The following HNRNPU variants were observed in gnomAD, a reference collection of about 807,000 sequenced individuals.
HNRNPU encodes heterogeneous nuclear ribonucleoprotein U.
HNRNPU carries 5 observed loss-of-function variants against 94.7 expected under a neutral mutation model. The ratio of observed to expected loss-of-function variants is 0.05; its 90% CI spans 0.03 to 0.11. The LOEUF is 0.11. Ranked by LOEUF, HNRNPU falls within the 10% of genes least tolerant of loss-of-function variation. The pLI is 1.00. For missense variants in HNRNPU, 710 were observed against 1,049.2 expected (o/e 0.68, Z 4.47); for synonymous variants, 434 against 381.6 (o/e 1.14, Z -1.60).
intron 11 of HNRNPU, 116 bp from the exon 12 acceptor site, chr1:244,855,724 GAA>G: frequency 1.5e-6 from 2 of 1,327,072 alleles, no homozygotes; most frequent in Non-Finnish European, 2.1e-6. Context: ...AAAGACAAAA[GAA>G]ATGTTTAATT....
chr1:244,862,948 T>G (rs1460089983), intron 1 of HNRNPU: 1 of 582,030 alleles, frequency 1.7e-6, no homozygotes, highest in Non-Finnish European at 3.1e-6. Context: ...TCCTCGATGA[T>G]TCGAGAAAGC....
At chr1:244,854,582 T>A in intron 13 of HNRNPU, 79 bp from the exon 14 acceptor site, 1 of 912,278 alleles carries the variant, frequency 1.1e-6, no homozygotes, top group Non-Finnish European at 1.8e-6. Context: ...ACAATGAATC[T>A]AATTCAGAGT....
intron 11 of HNRNPU, 64 bp downstream of exon 11, chr1:244,855,840 A>G: frequency 1.3e-6 from 2 of 1,570,026 alleles, no homozygotes; most frequent in Non-Finnish European, 1.7e-6. Context: ...AGCTACATCC[A>G]AACTATAAAA....
At chr1:244,856,188 T>C (rs1680677642) in intron 10 of HNRNPU, 30 bp from the exon 11 acceptor site, 9 of 1,578,096 alleles carry the variant, frequency 5.7e-6, no homozygotes, top group Non-Finnish European at 6.9e-6. Flanking sequence ...ATTATTAATT[T>C]AGAAACCCAC....
At position 244,852,618 on chromosome 1, in the gene HNRNPU, C is replaced by T. The variant is rs1680577799; in HGVS notation, c.*1832G>A. The stretch of plus-strand genomic sequence containing the variant: ...TAAAAATCCATGACACTATCTTCAA[C>T]TGTTAAATATCTTATGTTAACTAAG... On this transcript the variant is annotated 3_prime_UTR_variant, in exon 14 of 14. Transcript: ENST00000640218. 6.6e-6 allele frequency: 1 copy of T among 152,178 alleles called. No individual in the cohort carries two copies. The highest frequency in any genetic ancestry group is 2.4e-5 in the African/African-American group (1 of 41,444). The allele number at this position is 152,178 out of a possible 1,614,324, so 9.4% of individuals were successfully genotyped here. A position where few individuals can be genotyped will look rare whatever the true frequency, so the allele number is the denominator to read the frequency against.
chr1:244,854,218 C>A lies in HNRNPU; in HGVS notation c.*232G>T. The A allele has an allele frequency of 4.7e-6, 2 of 422,646 alleles. No individual in the cohort carries two copies. Among genetic ancestry groups the A allele is most frequent in the South Asian group, 7.1e-5 (2 of 28,336 alleles). 26.2% of individuals were successfully genotyped at this position (422,646 alleles called of 1,614,324 possible). The stretch of plus-strand genomic sequence containing the variant: ...AAAATGTAGAACCCTGAAATACTGA[C>A]ACATTCTCTTATCGTGCACAATGCT... On this transcript the variant is annotated 3_prime_UTR_variant, in exon 14 of 14. Transcript: ENST00000640218.
chr1:244,857,865 A>G, intron 7 of HNRNPU, 146 bp downstream of exon 7: 1 of 1,304,996 alleles, frequency 7.7e-7, no homozygotes, highest in East Asian at 2.3e-5. Context: ...ATTAACAGTC[A>G]ACATAAGGGG....
chr1:244,858,559 A>T, intron 6 of HNRNPU, 170 bp downstream of exon 6: 1 of 614,890 alleles, frequency 1.6e-6, no homozygotes, highest in Non-Finnish European at 2.9e-6. Context: ...TTCCTCAAAA[A>T]TGTCCTGTGT....
rs754762841 is a variant in HNRNPU, at chr1:244,858,324, T to C, written c.1231-50A>G. The C allele has an allele frequency of 3.3e-6, 5 of 1,522,270 alleles. No individual in the cohort carries two copies. The African/African-American group carries it at 5.6e-5, about 17-fold the overall frequency. 94.3% of individuals were successfully genotyped at this position (1,522,270 alleles called of 1,614,324 possible). On this transcript the variant is annotated intron_variant, in intron 6 of 13. Coordinates refer to ENST00000640218, the MANE Select transcript of HNRNPU (RefSeq NM_031844.3). ...AGTTAAAATCTGCTTCCTTAAACTT[T>C]CTAAAAAACTAAGAATTAAAATTAG...
In HNRNPU at chr1:244,863,797, G is replaced by C. The variant is rs1057524915; in HGVS notation, c.511C>G (p.Gln171Glu). Reference sequence around the variant, plus strand: ...GCCCCGCGCTGCTGTTGGGGCTGTTGCTGCTGCGTCGCCGGCGGTTGAGGC... The same window carrying C: ...GCCCCGCGCTGCTGTTGGGGCTGTTCCTGCTGCGTCGCCGGCGGTTGAGGC... ...QQPQPPATQQ[Q>E]QPQQQRGAAK... is the part of the protein sequence containing the mutation. The change falls in exon 1 of 14, where the codon CAA becomes GAA. Residue 171 changes from glutamine to glutamate, a missense_variant. Physicochemically the swap from Gln to Glu is conservative, Grantham distance 29 (BLOSUM62 2). This residue lies in a region of HNRNPU where 292 missense variants were observed against 293.4 expected (regional missense o/e 1.00). Transcript: ENST00000640218. The C allele has an allele frequency of 6.2e-7, 1 of 1,607,914 alleles. No individual in the cohort carries two copies. The highest frequency in any genetic ancestry group is 8.5e-7 in the Non-Finnish European group (1 of 1,178,322).
chr1:244,858,186 G>T lies in HNRNPU; in HGVS notation c.1319C>A (p.Ala440Asp), dbSNP rs373039242. The T allele has an allele frequency of 3.5e-5, 57 of 1,614,130 alleles. 1 individual carries two copies. The highest frequency in any genetic ancestry group is 3.1e-4 in the East Asian group (14 of 44,888). ...AACATGCGGGAACAGTGGCCGTCCA[G>T]CAAGAACTTCCTTACTGATTTTGAA... ...VAFKISKEVL[A>D]GRPLFPHVLC... The change falls in exon 7 of 14, where the codon GCT (alanine) becomes GAT (aspartate). Residue 440 changes from alanine to aspartate, a missense_variant. Physicochemically the swap from Ala to Asp is moderately radical, Grantham distance 126. Coordinates refer to ENST00000640218, the MANE Select transcript of HNRNPU (RefSeq NM_031844.3).
chr1:244,857,374 G>T, intron 8 of HNRNPU: 1 of 427,590 alleles, frequency 2.3e-6, no homozygotes, highest in Middle Eastern at 6.2e-4. Context: ...AACCTCCCGA[G>T]CAGCTGGGAT....
At chr1:244,862,380 A>C in intron 3 of HNRNPU, 81 bp downstream of exon 3, 1 of 958,292 alleles carries the variant, frequency 1.0e-6, no homozygotes. Flanking sequence ...TGCTGCACTT[A>C]AGCATTAAGA....
chr1:244,862,576 C>CGAACGAAT (rs772920993), intron 2 of HNRNPU, 42 bp from the exon 3 acceptor site: 1 of 1,608,536 alleles, frequency 6.2e-7, no homozygotes, highest in Non-Finnish European at 8.5e-7. Flanking sequence ...TTCCGATCAA[C>CGAACGAAT]GAACGAATAA....
At chr1:244,862,989 G>C (rs994721126) in intron 1 of HNRNPU, 1 of 509,094 alleles carries the variant, frequency 2.0e-6, no homozygotes, top group South Asian at 2.3e-5. Flanking sequence ...CAGGCCCGAA[G>C]CCCACGTGTA....
chr1:244,854,904 T>TC lies in HNRNPU; in HGVS notation c.2424+68dup. The TC allele has an allele frequency of 3.2e-6, 4 of 1,233,148 alleles. No individual in the cohort carries two copies. In the South Asian group the frequency reaches 4.8e-5, roughly 15 times the overall value. The allele number at this position is 1,233,148 out of a possible 1,614,324, so 76.4% of individuals were successfully genotyped here. A position where few individuals can be genotyped will look rare whatever the true frequency, so the allele number is the denominator to read the frequency against. On this transcript the variant is annotated intron_variant, in intron 13 of 13. Transcript: ENST00000640218. ...CTTCAATCCCTGAACAAGATCTTTT[T>TC]CAAGACTGATAAATCTTAGGAACTC...
intron 3 of HNRNPU, chr1:244,861,694 C>T (rs530060481): frequency 1.3e-5 from 2 of 150,818 alleles, no homozygotes; most frequent in East Asian, 1.9e-4. Flanking sequence ...ATTTATCACA[C>T]CCAGAGTTGT....
At chr1:244,855,118 G>A (rs1294438832) in intron 12 of HNRNPU, 74 bp from the exon 13 acceptor site, 7 of 1,174,020 alleles carry the variant, frequency 6.0e-6, no homozygotes, top group South Asian at 1.2e-5. Flanking sequence ...AGAGAGAGGA[G>A]CAGAAATGGA....
rs1374550201 is a variant in HNRNPU at position 244,851,446 on chromosome 1, GAC to G, written c.*3002_*3003del. ...CATGTCATCCAATTCCCACAAATGA[GAC>G]ATTTTAAATACAGAATACACTCTGT... On this transcript the variant is annotated 3_prime_UTR_variant, in exon 14 of 14. Transcript: ENST00000640218. The G allele has an allele frequency of 3.0e-4, 45 of 152,200 alleles. No homozygotes were observed. The highest frequency in any genetic ancestry group is 1.1e-3 in the African/African-American group (45 of 41,526). 9.4% of individuals were successfully genotyped at this position (152,200 alleles called of 1,614,324 possible).
Sources: gnomAD v4.1 joint callset for allele counts on GRCh38, gnomAD v4.1.1 for gene constraint, gnomAD v4.1.1 regional missense constraint, MANE v1.5 for transcripts, NCBI Gene and HGNC (gene_info 2026-07-23, HGNC 2026-07-21) for gene names.